ATG7: variants seen among roughly 807,000 people sequenced by gnomAD.
The protein encoded by ATG7 is autophagy related 7, also known as ubiquitin-like modifier-activating enzyme ATG7.
ATG7 carries 70 observed loss-of-function variants against 82.4 expected under a neutral mutation model. The ratio of observed to expected loss-of-function variants is 0.85; its 90% CI spans 0.70 to 1.04. The LOEUF (loss-of-function observed/expected upper bound fraction) is 1.04, where lower values mean the gene tolerates loss of function less well. Ranked by LOEUF, ATG7 falls within the 50% of genes least tolerant of loss-of-function variation. The pLI, the probability that ATG7 is intolerant of heterozygous loss-of-function variation, is 0.00. For missense variants in ATG7, 792 were observed against 864.3 expected, an observed-to-expected ratio of 0.92 and a Z score of 1.05; for synonymous variants, 287 against 313.0, an observed-to-expected ratio of 0.92 and a Z score of 0.88.
intron 20 of ATG7, among the ~76,000 whole-genome samples, chr3:11,553,107 C>T (rs888548027): frequency 6.6e-6 from 1 of 152,128 alleles, no homozygotes; most frequent in Non-Finnish European, 1.5e-5. Context: ...AATGCTCACC[C>T]TTTTCATTCT....
At chr3:11,296,604 G>C (rs975820401) in intron 3 of ATG7, among the ~76,000 whole-genome samples, 1 of 152,068 alleles carries the variant, frequency 6.6e-6, no homozygotes, top group African/African-American at 2.4e-5. Context: ...TCCAAAATTC[G>C]TTAGCCTCAC....
intron 20 of ATG7, among the ~76,000 whole-genome samples, chr3:11,464,947 G>T (rs1225006290): frequency 6.6e-6 from 1 of 152,072 alleles, no homozygotes; most frequent in Non-Finnish European, 1.5e-5. Flanking sequence ...ACAGTTCTTG[G>T]GCACATAGTA....
intron 20 of ATG7, among the ~76,000 whole-genome samples, chr3:11,499,640 G>A (rs1187986694): frequency 6.6e-6 from 1 of 151,718 alleles, no homozygotes. Flanking sequence ...CCACCTACTC[G>A]GGAGGCTGAG....
chr3:11,275,552 G>T lies in ATG7; in HGVS notation c.-366+3122G>T, dbSNP rs559523247. 5.5e-5 allele frequency among the ~76,000 whole-genome samples: 8 copies of T among 146,144 alleles called. No individual in the cohort carries two copies. In the South Asian group the frequency reaches 1.7e-3, roughly 32 times the overall value. Reference sequence around the variant, plus strand: ...TTTTTTTTTTTTTAGTAGAGATGGGGTTTCACTGTGCTAGCCAGGATGGTC... The same window carrying T: ...TTTTTTTTTTTTTAGTAGAGATGGGTTTTCACTGTGCTAGCCAGGATGGTC... On this transcript the variant is annotated intron_variant, in intron 1 of 20. Coordinates refer to ENST00000693202, the MANE Select transcript of ATG7 (RefSeq NM_001349232.2).
the ATG7 span, chr3:11,569,027 C>T: frequency 1.2e-6 from 1 of 806,372 alleles, no homozygotes; most frequent in Non-Finnish European, 1.5e-6. Context: ...GTACTGAAAG[C>T]CACACGCTCT....
At chr3:11,541,460 A>G (rs139213736) in intron 20 of ATG7, among the ~76,000 whole-genome samples, 2 of 152,226 alleles carry the variant, frequency 1.3e-5, no homozygotes, top group African/African-American at 4.8e-5. Flanking sequence ...CTGAAGCTTT[A>G]TAGAGTCAGT....
Position 11,446,308 on chromosome 3 carries a change from T to C in ATG7, c.2079+19382T>C, listed in dbSNP as rs2084546588. On this transcript the variant is annotated intron_variant, in intron 20 of 20. Coordinates refer to ENST00000693202, the MANE Select transcript of ATG7 (RefSeq NM_001349232.2). ...CATTCTGTGATAACGATAGAATAAG[T>C]CTTTAACACCTAGATTTCATGGTTT... Among the ~76,000 whole-genome samples the C allele has an allele frequency of 3.3e-5, 5 of 152,000 alleles. No individual in the cohort carries two copies. In the South Asian group the frequency reaches 1.0e-3, roughly 32 times the overall value.
intron 14 of ATG7, among the ~76,000 whole-genome samples, chr3:11,353,720 A>G (rs980467158): frequency 6.6e-6 from 1 of 152,166 alleles, no homozygotes; most frequent in Non-Finnish European, 1.5e-5. Flanking sequence ...CTCCCTTGCC[A>G]TGTGATGCAT....
intron 1 of ATG7, among the ~76,000 whole-genome samples, chr3:11,280,213 T>G (rs572289965): frequency 6.6e-6 from 1 of 152,146 alleles, no homozygotes; most frequent in Non-Finnish European, 1.5e-5. Context: ...TGCCCGGCCC[T>G]TTTTTTGTAT....
chr3:11,313,886 C>G (rs986708912), intron 8 of ATG7, among the ~76,000 whole-genome samples: 1 of 152,166 alleles, frequency 6.6e-6, no homozygotes, highest in African/African-American at 2.4e-5. Context: ...AGGCATGAGC[C>G]ACCCTGCCTG....
chr3:11,377,187 A>G (rs1475864221), intron 18 of ATG7, among the ~76,000 whole-genome samples: 1 of 152,224 alleles, frequency 6.6e-6, no homozygotes, highest in Non-Finnish European at 1.5e-5. Context: ...AGTCTCTTGC[A>G]GTCGGTTGAG....
intron 20 of ATG7, among the ~76,000 whole-genome samples, chr3:11,502,439 T>C (rs1423892360): frequency 7.1e-6 from 1 of 140,250 alleles, no homozygotes; most frequent in Non-Finnish European, 1.5e-5. Context: ...GTGATCTCAT[T>C]GTTCAATTCC....
the ATG7 span, among the ~76,000 whole-genome samples, chr3:11,565,517 T>C: frequency 2.0e-5 from 3 of 152,174 alleles, no homozygotes; most frequent in Non-Finnish European, 4.4e-5. The surrounding 1 kb of genome is among the most constrained non-coding windows in gnomAD (Gnocchi z 4.1). Context: ...AAGCAGGCAA[T>C]GCTGCCACCA....
the ATG7 span, among the ~76,000 whole-genome samples, chr3:11,573,772 T>C: frequency 6.6e-6 from 1 of 152,240 alleles, no homozygotes; most frequent in African/African-American, 2.4e-5. Context: ...CTGTAATGGG[T>C]TGAACTGTGT....
rs201999050 is a variant in ATG7 at position 11,511,777 on chromosome 3, A to G, written c.2080-43034A>G. Among the ~76,000 whole-genome samples the G allele has an allele frequency of 3.7e-3, 565 of 152,214 alleles. 11 individuals are homozygous for G. In the East Asian group the frequency reaches 0.04, roughly 11 times the overall value. ...GCTAAGGCCCAGCGAGAAATCGAGC[A>G]CAGCACCGGTGGGCTGGTACTGCTG... On this transcript the variant is annotated intron_variant, in intron 20 of 20. Coordinates refer to ENST00000693202, the MANE Select transcript of ATG7 (RefSeq NM_001349232.2).
At chr3:11,515,358 C>T (rs1388361734) in intron 20 of ATG7, among the ~76,000 whole-genome samples, 2 of 151,872 alleles carry the variant, frequency 1.3e-5, no homozygotes, top group East Asian at 1.9e-4. Flanking sequence ...GGCTGGAGTG[C>T]AGTGGCACGA....
At chr3:11,534,892 T>A (rs959016404) in intron 20 of ATG7, among the ~76,000 whole-genome samples, 2 of 152,236 alleles carry the variant, frequency 1.3e-5, no homozygotes, top group African/African-American at 4.8e-5. Flanking sequence ...CAGGCCCACG[T>A]AGGCGCAGCC....
chr3:11,288,157 A>C (rs148336341), intron 3 of ATG7, among the ~76,000 whole-genome samples: 2 of 152,228 alleles, frequency 1.3e-5, no homozygotes, highest in African/African-American at 4.8e-5. Context: ...TCCTTTGTGC[A>C]GTATTACGTG....
intron 20 of ATG7, among the ~76,000 whole-genome samples, chr3:11,501,148 G>T (rs2091290881): frequency 6.6e-6 from 1 of 152,214 alleles, no homozygotes; most frequent in African/African-American, 2.4e-5. Flanking sequence ...CAGCTACCTG[G>T]GATGCTGAGG....
Sources: allele counts gnomAD v4.1 joint callset (sites outside exome capture counted in the v4.1 genomes callset), GRCh38; gene constraint gnomAD v4.1.1; non-coding constraint Gnocchi (gnomAD v3.1); transcripts MANE v1.5; gene names NCBI Gene and HGNC (gene_info 2026-07-23, HGNC 2026-07-21).